KDM6A: variants seen among roughly 807,000 people sequenced by gnomAD.
KDM6A encodes lysine demethylase 6A, also known as lysine-specific demethylase 6A.
In KDM6A, 11 loss-of-function variants were observed where a neutral mutation model predicts 117.6. The observed-to-expected ratio is 0.09, with a 90% CI of 0.06 to 0.15. The LOEUF (loss-of-function observed/expected upper bound fraction) is 0.15. Ranked by LOEUF, KDM6A falls within the 10% of genes least tolerant of loss-of-function variation. The probability of loss-of-function intolerance (pLI) is 1.00; values close to 1 mark genes in which losing one functional copy is unlikely to be tolerated. For missense variants in KDM6A, 799 were observed against 1,077.3 expected, an observed-to-expected ratio of 0.74 and a Z score of 3.62; for synonymous variants, 384 against 396.1, an observed-to-expected ratio of 0.97 and a Z score of 0.36.
chrX:44,945,580 G>C (rs1308266102), intron 2 of KDM6A, among the ~76,000 whole-genome samples: 5 of 110,809 alleles, frequency 4.5e-5, no homozygotes, highest in Non-Finnish European at 9.4e-5. Flanking sequence ...TAGTGGGTTG[G>C]TATTTATTTC....
intron 2 of KDM6A, among the ~76,000 whole-genome samples, chrX:44,908,037 G>A (rs2034840697): frequency 9.1e-6 from 1 of 110,489 alleles, no homozygotes; most frequent in South Asian, 3.9e-4. Context: ...TAATAGAGGA[G>A]GGACAGTTCC....
intron 2 of KDM6A, among the ~76,000 whole-genome samples, chrX:44,879,045 ACTGC>A (rs1338527185): frequency 9.0e-6 from 1 of 111,595 alleles, no homozygotes; most frequent in Non-Finnish European, 1.9e-5. Flanking sequence ...GTTAAGAAAA[ACTGC>A]CTGAGAGATG....
intron 2 of KDM6A, among the ~76,000 whole-genome samples, chrX:44,877,130 C>T (rs2031735412): frequency 9.0e-6 from 1 of 111,400 alleles, no homozygotes; most frequent in African/African-American, 3.3e-5. Flanking sequence ...TATTCCTTTT[C>T]CAGGTGTGCA....
At chrX:44,977,251 C>A (rs920830706) in intron 4 of KDM6A, among the ~76,000 whole-genome samples, 1 of 110,317 alleles carries the variant, frequency 9.1e-6, no homozygotes, top group Non-Finnish European at 1.9e-5. Context: ...GTGTCTCTCT[C>A]TCTATATATA....
intron 4 of KDM6A, among the ~76,000 whole-genome samples, chrX:44,995,383 G>A (rs967816652): frequency 9.0e-6 from 1 of 110,694 alleles, no homozygotes; most frequent in Non-Finnish European, 1.9e-5. Context: ...TTTTCAGTAT[G>A]TATACTGCTT....
chrX:45,041,431 A>ACCC (rs1269529803), intron 8 of KDM6A, among the ~76,000 whole-genome samples: 20 of 74,689 alleles, frequency 2.7e-4, no homozygotes, highest in African/African-American at 1.0e-3. Context: ...GCGGGGACTG[A>ACCC]CCCCCCCCCA....
chrX:45,056,600 A>G (rs1461726726), intron 10 of KDM6A, among the ~76,000 whole-genome samples: 1 of 112,134 alleles, frequency 8.9e-6, no homozygotes, highest in Non-Finnish European at 1.9e-5. Context: ...TCAAAGATTT[A>G]GAAAGTGGGT....
At chrX:44,993,650 G>A (rs945861421) in intron 4 of KDM6A, among the ~76,000 whole-genome samples, 2 of 111,322 alleles carry the variant, frequency 1.8e-5, no homozygotes, top group Non-Finnish European at 3.8e-5. Flanking sequence ...CGCGGATCAC[G>A]AGGTCAAGAG....
chrX:44,986,063 A>G lies in KDM6A; in HGVS notation c.384+11348A>G, dbSNP rs377518644. On this transcript the variant is annotated intron_variant, in intron 4 of 29. Coordinates refer to ENST00000611820, the MANE Select transcript of KDM6A (RefSeq NM_001291415.2). ...CTGGACTTTTTTTGGTTGGTAAGCT[A>G]TTAATTATTGCCTCAATTTCAGATC... 1.3e-4 allele frequency among the ~76,000 whole-genome samples: 14 copies of G among 111,589 alleles called. No homozygotes were observed. The East Asian group carries it at 1.7e-3, about 14-fold the overall frequency.
intron 3 of KDM6A, among the ~76,000 whole-genome samples, chrX:44,974,012 C>CT (rs2039494317): frequency 9.0e-6 from 1 of 110,809 alleles, no homozygotes; most frequent in Non-Finnish European, 1.9e-5. Context: ...TTTAGGTTGT[C>CT]TTTTTTTCTT....
chrX:44,916,023 C>T (rs759161929), intron 2 of KDM6A, among the ~76,000 whole-genome samples: 12 of 111,191 alleles, frequency 1.1e-4, no homozygotes, highest in South Asian at 3.7e-4. Flanking sequence ...TAACTTTTAT[C>T]GTAATTTATT....
chrX:45,054,639 A>G (rs1036555261), intron 10 of KDM6A, among the ~76,000 whole-genome samples: 2 of 111,921 alleles, frequency 1.8e-5, no homozygotes, highest in Non-Finnish European at 3.8e-5. Context: ...TTAGACTATC[A>G]TCAGGTTGTA....
chrX:45,016,612 G>A (rs1300792510), intron 5 of KDM6A, among the ~76,000 whole-genome samples: 1 of 110,952 alleles, frequency 9.0e-6, no homozygotes, highest in Non-Finnish European at 1.9e-5. Context: ...CTATTCTTCC[G>A]CCTCAGCCTC....
chrX:45,011,429 C>T (rs1569518591), intron 5 of KDM6A, among the ~76,000 whole-genome samples: 1 of 111,557 alleles, frequency 9.0e-6, no homozygotes, highest in Non-Finnish European at 1.9e-5. Flanking sequence ...CCACTTCTCC[C>T]TTCCACATAC....
chrX:44,949,337 T>C (rs5905421), intron 2 of KDM6A, among the ~76,000 whole-genome samples: 172 of 111,805 alleles, frequency 1.5e-3, no homozygotes, highest in Non-Finnish European at 2.8e-3. Context: ...CAGGCTGCAG[T>C]GAACATGATG....
At chrX:45,027,478 T>G (rs1472439774) in intron 6 of KDM6A, among the ~76,000 whole-genome samples, 1 of 111,835 alleles carries the variant, frequency 8.9e-6, no homozygotes, top group Non-Finnish European at 1.9e-5. Flanking sequence ...TTGAAAATTT[T>G]AATCTTGAGT....
Position 45,064,974 on chromosome X carries a change from AATAG to A in KDM6A, c.2079+1162_2079+1165del, listed in dbSNP as rs1390545837. ...GAGATGTCTCTACTTGGTGTAGGTA[AATAG>A]ATAGTAAACAAATAAGCAATACATA... On this transcript the variant is annotated intron_variant, in intron 17 of 29. Coordinates refer to ENST00000611820, the MANE Select transcript of KDM6A (RefSeq NM_001291415.2). Among the ~76,000 whole-genome samples, 6 of 111,937 alleles carry A rather than the reference AATAG, an allele frequency of 5.4e-5. 1 individual carries two copies. Among genetic ancestry groups the A allele is most frequent in the South Asian group, 7.4e-4 (2 of 2,696 alleles).
chrX:45,071,179 C>A (rs1288415452), intron 18 of KDM6A, among the ~76,000 whole-genome samples: 1 of 112,033 alleles, frequency 8.9e-6, no homozygotes, highest in South Asian at 3.7e-4. Flanking sequence ...ACAAATAATT[C>A]TGTAATATTT....
At chrX:44,902,182 T>C (rs1236468249) in intron 2 of KDM6A, among the ~76,000 whole-genome samples, 1 of 110,335 alleles carries the variant, frequency 9.1e-6, no homozygotes, top group Non-Finnish European at 1.9e-5. Flanking sequence ...GTGGCCAAAA[T>C]TGTGCCACTG....
Sources: gnomAD v4.1 joint callset for allele counts (sites outside exome capture counted in the v4.1 genomes callset) on GRCh38, gnomAD v4.1.1 for gene constraint, MANE v1.5 for transcripts, NCBI Gene and HGNC (gene_info 2026-07-23, HGNC 2026-07-21) for gene names.